SRRM3: variants seen among roughly 807,000 people sequenced by gnomAD.
SRRM3 encodes the protein serine/arginine repetitive matrix 3.
SRRM3 carries 27 observed loss-of-function variants against 66.2 expected under a neutral mutation model. The ratio of observed to expected loss-of-function variants is 0.41; its 90% CI spans 0.30 to 0.56. SRRM3 has a LOEUF of 0.56. SRRM3 is among the 20% of genes least tolerant of loss of function. The pLI is 0.32. For synonymous variants in SRRM3, 391 were observed against 414.9 expected (o/e 0.94, Z 0.70); for missense variants, 918 against 991.9 (o/e 0.93, Z 1.00).
intron 3 of SRRM3, among the ~76,000 whole-genome samples, chr7:76,249,875 A>G (rs1025334913): frequency 6.6e-6 from 1 of 152,060 alleles, no homozygotes; most frequent in Non-Finnish European, 1.5e-5. Context: ...AAAAAATAAT[A>G]ATAAAATAAT....
intron 1 of SRRM3, among the ~76,000 whole-genome samples, chr7:76,215,784 A>C (rs1583870505): frequency 3.0e-5 from 4 of 133,320 alleles, no homozygotes; most frequent in African/African-American, 1.2e-4. Context: ...GTGCCACCAC[A>C]CCTGGCTAAT....
At chr7:76,270,685 A>G (rs1430790469) in intron 11 of SRRM3, among the ~76,000 whole-genome samples, 1 of 152,060 alleles carries the variant, frequency 6.6e-6, no homozygotes, top group Non-Finnish European at 1.5e-5. Flanking sequence ...ATGGTGGTGC[A>G]TGCCTATAAT....
At chr7:76,273,723 TTTTC>T (rs1361517166) in intron 11 of SRRM3, 2 of 152,160 alleles carry the variant, frequency 1.3e-5, no homozygotes, top group African/African-American at 2.4e-5. Context: ...TATTCCTCCC[TTTTC>T]TTTCTTTATT....
rs1444539340 is a variant in SRRM3, at chr7:76,282,721, G to T, written c.1444G>T (p.Gly482Cys). The change falls in exon 13 of 15, where the codon GGC (glycine) becomes TGC (cysteine). Residue 482 changes from glycine to cysteine, a missense_variant. Coordinates refer to ENST00000611745, the MANE Select transcript of SRRM3 (RefSeq NM_001110199.3). ...CCCGGGCGCGCACGGCCGGCGCGGC[G>T]GCCCAGAAGGGAAGAGCTCGTCGCG... ...PSPGAHGRRG[G>C]PEGKSSSRSP... 4.9e-6 allele frequency: 7 copies of T among 1,429,238 alleles called. No homozygotes were observed. Among genetic ancestry groups the T allele is most frequent in the Non-Finnish European group, 6.4e-6 (7 of 1,097,868 alleles). The allele number at this position is 1,429,238 out of a possible 1,614,324, so 88.5% of individuals were successfully genotyped here.
At chr7:76,271,284 A>C (rs1292676787) in intron 11 of SRRM3, among the ~76,000 whole-genome samples, 1 of 152,136 alleles carries the variant, frequency 6.6e-6, no homozygotes, top group Non-Finnish European at 1.5e-5. Flanking sequence ...ACTGGTCAAC[A>C]GAACAAGACT....
intron 2 of SRRM3, among the ~76,000 whole-genome samples, chr7:76,245,483 A>G (rs1801416272): frequency 2.0e-5 from 3 of 152,190 alleles, no homozygotes; most frequent in South Asian, 2.1e-4. Context: ...ATACATATTT[A>G]TAGGGTACAT....
intron 11 of SRRM3, among the ~76,000 whole-genome samples, chr7:76,275,019 T>A (rs1802305785): frequency 6.6e-6 from 1 of 150,424 alleles, no homozygotes; most frequent in African/African-American, 2.5e-5. Context: ...GGCAGGAGGA[T>A]CGCTTGAACC....
chr7:76,226,412 A>G (rs992281742), intron 1 of SRRM3, among the ~76,000 whole-genome samples: 1 of 152,148 alleles, frequency 6.6e-6, no homozygotes, highest in Admixed American at 6.5e-5. Context: ...TCATGACTTA[A>G]TCTACACATG....
intron 5 of SRRM3, among the ~76,000 whole-genome samples, chr7:76,260,436 G>T (rs1255742212): frequency 5.9e-5 from 6 of 102,474 alleles, no homozygotes; most frequent in Non-Finnish European, 1.2e-4. Flanking sequence ...CCCTTCGCTA[G>T]GTTCCGCCCC....
intron 12 of SRRM3, among the ~76,000 whole-genome samples, chr7:76,282,413 C>G (rs1351205246): frequency 1.3e-5 from 2 of 149,768 alleles, no homozygotes; most frequent in African/African-American, 4.9e-5. Flanking sequence ...CTCCCCCCAT[C>G]CCGCAGAACA....
intron 1 of SRRM3, among the ~76,000 whole-genome samples, chr7:76,216,146 G>C (rs1264618336): frequency 6.6e-6 from 1 of 150,820 alleles, no homozygotes; most frequent in Non-Finnish European, 1.5e-5. Context: ...TAGAGATGGG[G>C]ATTCACCATG....
chr7:76,240,645 C>T (rs1801272062), intron 2 of SRRM3, among the ~76,000 whole-genome samples: 1 of 149,640 alleles, frequency 6.7e-6, no homozygotes, highest in Non-Finnish European at 1.5e-5. Context: ...AAACATTTTT[C>T]ACTCTGAGGA....
Position 76,282,784 on chromosome 7 carries a change from C to G in SRRM3, c.1507C>G (p.Arg503Gly). The G allele has an allele frequency of 1.4e-6, 2 of 1,466,218 alleles. No homozygotes were observed. Among genetic ancestry groups the G allele is most frequent in the Non-Finnish European group, 1.8e-6 (2 of 1,114,878 alleles). The allele number at this position is 1,466,218 out of a possible 1,614,324, so 90.8% of individuals were successfully genotyped here. A position where few individuals can be genotyped will look rare whatever the true frequency, so the allele number is the denominator to read the frequency against. Residue 503 changes from arginine to glycine, a missense_variant, in exon 13 of 15, where the codon CGC becomes GGC. Transcript: ENST00000611745. ...GPHPRSWSSS[R>G]SPSKSRSRSA... The stretch of plus-strand genomic sequence containing the variant: ...GCACCCCCGCTCCTGGAGCTCCAGC[C>G]GCTCGCCCTCCAAATCTCGCTCGCG...
At chr7:76,271,250 C>T (rs975632756) in intron 11 of SRRM3, among the ~76,000 whole-genome samples, 7 of 152,146 alleles carry the variant, frequency 4.6e-5, no homozygotes, top group African/African-American at 1.7e-4. Context: ...AGGAGGATCA[C>T]TTGAGGCCTG....
Position 76,263,875 on chromosome 7 carries a change from G to GCCAAAAAAAAAAAAAAAAAAAAAAA in SRRM3, c.675-890_675-889insCCAAAAAAAAAAAAAAAAAAAAAAA, listed in dbSNP as rs1243393227. 7.5e-5 allele frequency among the ~76,000 whole-genome samples: 2 copies of GCCAAAAAAAAAAAAAAAAAAAAAAA among 26,760 alleles called. 1 individual carries two copies. Among genetic ancestry groups the GCCAAAAAAAAAAAAAAAAAAAAAAA allele is most frequent in the Admixed American group, 9.8e-4 (2 of 2,044 alleles). 17.6% of individuals were successfully genotyped at this position (26,760 alleles called of 152,430 possible). A position where few individuals can be genotyped will look rare whatever the true frequency, so the allele number is the denominator to read the frequency against. On this transcript the variant is annotated intron_variant, in intron 8 of 14. Transcript: ENST00000611745. Reference sequence around the variant, plus strand: ...GCAACAGAGCGGGACTCTGTCTCAAGACAAAAAAAAAAAAAAAAAAAAAAA... The same window carrying GCCAAAAAAAAAAAAAAAAAAAAAAA: ...GCAACAGAGCGGGACTCTGTCTCAAGCCAAAAAAAAAAAAAAAAAAAAAAAACAAAAAAAAAAAAAAAAAAAAAAA...
rs1801563199 is a variant in SRRM3, at chr7:76,250,797, C to G, written c.335+2508C>G. Among the ~76,000 whole-genome samples the G allele has an allele frequency of 3.3e-5, 5 of 152,256 alleles. No homozygotes were observed. In the South Asian group the frequency reaches 1.0e-3, roughly 32 times the overall value. ...CATGTAAAGTGCTCATCGTACCTGG[C>G]ACCTGGGTCAGTAATTATCATAATA... is the stretch of plus-strand genomic sequence containing the variant. On this transcript the variant is annotated intron_variant, in intron 3 of 14. Transcript: ENST00000611745.
chr7:76,258,997 T>A (rs1251496848), intron 3 of SRRM3, among the ~76,000 whole-genome samples: 1 of 151,302 alleles, frequency 6.6e-6, no homozygotes, highest in Non-Finnish European at 1.5e-5. Context: ...TGAGGTGAGA[T>A]TGCAGGAGAC....
intron 1 of SRRM3, among the ~76,000 whole-genome samples, chr7:76,210,163 CT>C (rs782819817): frequency 6.6e-6 from 1 of 152,154 alleles, no homozygotes; most frequent in Non-Finnish European, 1.5e-5. Context: ...AACCTGCCCC[CT>C]ACACCAATCT....
chr7:76,261,053 C>G, intron 6 of SRRM3, 150 bp downstream of exon 6: 1 of 791,084 alleles, frequency 1.3e-6, no homozygotes, highest in Non-Finnish European at 2.0e-6. Context: ...CTACAGAGGC[C>G]GTGAATCCCA....
Sources: gnomAD v4.1 joint callset for allele counts (sites outside exome capture counted in the v4.1 genomes callset) on GRCh38, gnomAD v4.1.1 for gene constraint, MANE v1.5 for transcripts, NCBI Gene and HGNC (gene_info 2026-07-23, HGNC 2026-07-21) for gene names.